The following PNKD variants were observed in gnomAD, a reference collection of about 807,000 sequenced individuals.
The protein encoded by PNKD is probable thioesterase PNKD.
A neutral mutation model predicts 45.3 loss-of-function variants in PNKD; 36 were observed. The ratio of observed to expected loss-of-function variants is 0.80; its 90% CI spans 0.61 to 1.05. The LOEUF is 1.05. PNKD is among the 50% of genes least tolerant of loss of function. PNKD has a pLI of 0.00. For synonymous variants in PNKD, 197 were observed against 210.1 expected (o/e 0.94, Z 0.54); for missense variants, 511 against 506.6 (o/e 1.01, Z -0.08).
chr2:218,278,045 G>A (rs1439405152), intron 2 of PNKD: 4 of 1,564,812 alleles, frequency 2.6e-6, no homozygotes, highest in Non-Finnish European at 3.5e-6. Flanking sequence ...TACAGCAGAA[G>A]GAAGCGCTTG....
chr2:218,297,373 C>G (rs1324577814), intron 2 of PNKD, among the ~76,000 whole-genome samples: 1 of 152,134 alleles, frequency 6.6e-6, no homozygotes, highest in African/African-American at 2.4e-5. Context: ...AGGCCGGGGG[C>G]CCATCTCTCT....
At chr2:218,333,133 G>C (rs754351982) in intron 2 of PNKD, among the ~76,000 whole-genome samples, 22 of 152,190 alleles carry the variant, frequency 1.4e-4, no homozygotes, top group Non-Finnish European at 2.5e-4. Flanking sequence ...CTGGCAGTTT[G>C]CTGACTAATC....
At chr2:218,342,666 CTCCAACCTG>C (rs1380931222) in intron 7 of PNKD, among the ~76,000 whole-genome samples, 1 of 152,054 alleles carries the variant, frequency 6.6e-6, no homozygotes, top group Non-Finnish European at 1.5e-5. Flanking sequence ...CGCCACTGCA[CTCCAACCTG>C]GAAGACAGAG....
chr2:218,310,592 C>CT (rs58558174), intron 2 of PNKD, among the ~76,000 whole-genome samples: 5,159 of 115,708 alleles, frequency 0.045, 270 homozygotes, highest in African/African-American at 0.067. Flanking sequence ...TGCTTTATTG[C>CT]TTTTTTTTTT....
At chr2:218,271,867 G>C (rs970129337) in intron 2 of PNKD, among the ~76,000 whole-genome samples, 1 of 152,188 alleles carries the variant, frequency 6.6e-6, no homozygotes, top group Non-Finnish European at 1.5e-5. Flanking sequence ...ATGTGAGCTT[G>C]TACTAGTTGT....
At position 218,339,815 on chromosome 2, in the gene PNKD, A is replaced by G. The variant is rs762348312; in HGVS notation, c.269A>G (p.Tyr90Cys). 7.4e-6 allele frequency: 12 copies of G among 1,613,562 alleles called. No homozygotes were observed. The South Asian group carries it at 1.2e-4, about 16-fold the overall frequency. ...YSLYTRTWLG[Y>C]LFYRQQLRRA... The stretch of plus-strand genomic sequence containing the variant: ...CTGTACACCCGCACCTGGCTCGGGT[A>G]CCTCTTCTACCGACAGCAGCTGCGC... Residue 90 changes from tyrosine (Y) to cysteine (C), a missense_variant, in exon 3 of 10, where the codon TAC (tyrosine) becomes TGC (cysteine). By Grantham distance (194) the Tyr-to-Cys change is radical. Coordinates refer to ENST00000273077, the MANE Select transcript of PNKD (RefSeq NM_015488.5).
intron 2 of PNKD, chr2:218,277,173 G>A: frequency 1.5e-6 from 2 of 1,340,788 alleles, no homozygotes; most frequent in Non-Finnish European, 1.1e-6. Flanking sequence ...CCCTGCCAGG[G>A]AGTCCCAGTG....
intron 2 of PNKD, among the ~76,000 whole-genome samples, chr2:218,314,221 G>GTTTTTTTT (rs1693701207): frequency 8.8e-5 from 5 of 57,008 alleles, no homozygotes; most frequent in African/African-American, 6.3e-4. Context: ...CCGCGCCCTG[G>GTTTTTTTT]CTTTTTTTTT....
At chr2:218,283,674 C>A (rs1447305357) in intron 2 of PNKD, among the ~76,000 whole-genome samples, 1 of 152,098 alleles carries the variant, frequency 6.6e-6, no homozygotes, top group Non-Finnish European at 1.5e-5. Flanking sequence ...TTGCATAGTT[C>A]GGGGATCAAA....
rs1422370985 is a variant in PNKD, at chr2:218,330,451, TA to T, written c.237-9331del. Among the ~76,000 whole-genome samples the T allele has an allele frequency of 2.6e-5, 4 of 152,266 alleles. No individual in the cohort carries two copies. The East Asian group carries it at 7.7e-4, about 29-fold the overall frequency. On this transcript the variant is annotated intron_variant, in intron 2 of 9. Coordinates refer to ENST00000273077, the MANE Select transcript of PNKD (RefSeq NM_015488.5). ...ACGGGGCTGGAGGCTCACATTCAGA[TA>T]CCAGAGACACCAACTGCTGGCTCAC...
chr2:218,318,772 A>T (rs1240664313), intron 2 of PNKD, among the ~76,000 whole-genome samples: 1 of 152,138 alleles, frequency 6.6e-6, no homozygotes, highest in East Asian at 1.9e-4. Flanking sequence ...TCCACAAAAT[A>T]ACATCACATT....
chr2:218,298,311 C>G (rs141508073), intron 2 of PNKD, among the ~76,000 whole-genome samples: 17 of 152,212 alleles, frequency 1.1e-4, no homozygotes, highest in African/African-American at 3.9e-4. Context: ...CTTTCCAGAC[C>G]TGTGAATCAG....
chr2:218,276,949 G>A, intron 2 of PNKD: 1 of 1,470,122 alleles, frequency 6.8e-7, no homozygotes, highest in Non-Finnish European at 9.5e-7. Context: ...ATGCTATATA[G>A]GAAGTCTGCC....
chr2:218,278,016 C>G (rs776096607), intron 2 of PNKD: 1 of 1,611,526 alleles, frequency 6.2e-7, no homozygotes, highest in Admixed American at 1.7e-5. Flanking sequence ...CTTGGGGCCC[C>G]TCAGGCGTCA....
intron 2 of PNKD, among the ~76,000 whole-genome samples, chr2:218,333,400 A>T (rs1308360844): frequency 6.6e-6 from 1 of 152,084 alleles, no homozygotes; most frequent in Admixed American, 6.6e-5. Flanking sequence ...GGAGGCGGGG[A>T]GCTTATCACC....
intron 2 of PNKD, chr2:218,277,810 C>G: frequency 1.9e-6 from 3 of 1,541,888 alleles, no homozygotes; most frequent in Admixed American, 3.5e-5. Context: ...GAGATCAGAA[C>G]AGGCGGCCCA....
rs200292529 is a variant in PNKD, at chr2:218,278,552, C to A, written c.236+7003C>A. On this transcript the variant is annotated intron_variant, in intron 2 of 9. Transcript: ENST00000273077. Reference sequence around the variant, plus strand: ...CAGCAGGCAAGGATCAGGTAGGTGACAACGAAGACAGCACTAGGGACAAAG... The same window carrying A: ...CAGCAGGCAAGGATCAGGTAGGTGAAAACGAAGACAGCACTAGGGACAAAG... 28 of 1,614,150 alleles carry A rather than the reference C, an allele frequency of 1.7e-5. No homozygotes were observed. In the East Asian group the frequency reaches 4.7e-4, roughly 27 times the overall value.
At chr2:218,324,153 G>A (rs1169308339) in intron 2 of PNKD, among the ~76,000 whole-genome samples, 1 of 139,294 alleles carries the variant, frequency 7.2e-6, no homozygotes, top group Admixed American at 7.4e-5. Flanking sequence ...AGGGGAGGGT[G>A]GTGCCTAGCA....
intron 2 of PNKD, among the ~76,000 whole-genome samples, chr2:218,298,735 A>T (rs1158702553): frequency 1.3e-5 from 2 of 151,760 alleles, no homozygotes; most frequent in African/African-American, 4.8e-5. Context: ...CTCGCCATGG[A>T]CCTCTGCCAC....
Sources: allele counts gnomAD v4.1 joint callset (sites outside exome capture counted in the v4.1 genomes callset), GRCh38; gene constraint gnomAD v4.1.1; transcripts MANE v1.5; gene names NCBI Gene and HGNC (gene_info 2026-07-23, HGNC 2026-07-21).